Variants in FHAD1 observed in about 807,000 individuals in gnomAD.
FHAD1 encodes forkhead associated phosphopeptide binding domain 1.
In FHAD1, 146 loss-of-function variants were observed where a neutral mutation model predicts 191.3. That is an observed-to-expected ratio of 0.76 (90% confidence interval 0.67 to 0.88). The LOEUF is 0.88. Among genes scored for constraint, FHAD1 ranks in the 40% least tolerant of loss-of-function variants. FHAD1 has a pLI of 0.00. For missense variants in FHAD1, 1,635 were observed against 1,785.8 expected, an observed-to-expected ratio of 0.92 and a Z score of 1.52; for synonymous variants, 616 against 672.3, an observed-to-expected ratio of 0.92 and a Z score of 1.29.
chr1:15,291,585 A>G (rs1664791368), intron 4 of FHAD1, among the ~76,000 whole-genome samples: 2 of 152,248 alleles, frequency 1.3e-5, no homozygotes, highest in African/African-American at 4.8e-5. Flanking sequence ...TTAGTTACCA[A>G]TTTATAACCA....
chr1:15,363,562 G>A (rs2102707725), intron 23 of FHAD1, among the ~76,000 whole-genome samples: 1 of 152,292 alleles, frequency 6.6e-6, no homozygotes, highest in Admixed American at 6.5e-5. Flanking sequence ...ACTGTTATTA[G>A]CTAGTTTTCC....
At chr1:15,321,789 T>G (rs1676369590) in intron 10 of FHAD1, among the ~76,000 whole-genome samples, 1 of 152,210 alleles carries the variant, frequency 6.6e-6, no homozygotes, top group Non-Finnish European at 1.5e-5. Flanking sequence ...TTGTGCATGT[T>G]TGCATGCACA....
At chr1:15,360,166 CAA>C (rs1694302346) in intron 21 of FHAD1, among the ~76,000 whole-genome samples, 1 of 152,086 alleles carries the variant, frequency 6.6e-6, no homozygotes, top group Non-Finnish European at 1.5e-5. Context: ...GGAAGAGAAA[CAA>C]AGAAACAAAA....
chr1:15,291,514 T>C (rs1664773766), intron 4 of FHAD1, among the ~76,000 whole-genome samples: 1 of 152,340 alleles, frequency 6.6e-6, no homozygotes, highest in Admixed American at 6.5e-5. Flanking sequence ...TTAGCACGTA[T>C]ACCATTAACT....
intron 2 of FHAD1, among the ~76,000 whole-genome samples, chr1:15,252,567 G>A (rs1646917154): frequency 6.6e-6 from 1 of 152,162 alleles, no homozygotes; most frequent in Non-Finnish European, 1.5e-5. Flanking sequence ...CCCACCTCTG[G>A]AGTCGAGTGC....
Position 15,382,134 on chromosome 1 carries a change from C to G in FHAD1, c.4129C>G (p.Arg1377Gly). 2 of 1,552,040 alleles carry G rather than the reference C, an allele frequency of 1.3e-6. No individual in the cohort carries two copies. The highest frequency in any genetic ancestry group is 1.7e-6 in the Non-Finnish European group (2 of 1,147,104). Reference protein sequence around the residue: ...EKALLKEALERMEHQLCQEKR... With the variant: ...EKALLKEALEGMEHQLCQEKR... ...GGCCCTGCTGAAGGAGGCCCTGGAG[C>G]GCATGGAGCACCAGCTGTGCCAGGA... Residue 1377 changes from arginine to glycine, a missense_variant, in exon 31 of 34, where the codon CGC becomes GGC. Arg to Gly is a moderately radical substitution (Grantham distance 125). Coordinates refer to ENST00000688493, the MANE Select transcript of FHAD1 (RefSeq NM_001391957.1).
chr1:15,251,681 G>A (rs1646794379), intron 1 of FHAD1, 90 bp from the exon 2 acceptor site: 3 of 1,009,446 alleles, frequency 3.0e-6, no homozygotes, highest in Non-Finnish European at 4.4e-6. Flanking sequence ...ACATGACTCT[G>A]TGGTTATTTC....
rs1286461123 is a variant in FHAD1 at position 15,276,926 on chromosome 1, G to A, written c.300+4397G>A. On this transcript the variant is annotated intron_variant, in intron 3 of 33. Transcript: ENST00000688493. This position sits in a 1 kb window ranked among gnomAD's most constrained non-coding sequence, Gnocchi z 4.7. ...ACAGGGCCATTTGCGATGCCCTGAA[G>A]CAACTGTTGAGTAGTAACACTGACT... Among the ~76,000 whole-genome samples, 2 of 142,518 alleles carry A rather than the reference G, an allele frequency of 1.4e-5. No individual in the cohort carries two copies. The highest frequency in any genetic ancestry group is 3.1e-5 in the Non-Finnish European group (2 of 63,934). The allele number at this position is 142,518 out of a possible 152,430, so 93.5% of individuals were successfully genotyped here.
intron 20 of FHAD1, among the ~76,000 whole-genome samples, 159 bp downstream of exon 20, chr1:15,353,143 T>C (rs561958534): frequency 2.0e-4 from 30 of 152,222 alleles, no homozygotes; most frequent in African/African-American, 6.7e-4. Flanking sequence ...TCCCCACTTA[T>C]GAAATACACT....
intron 26 of FHAD1, 48 bp from the exon 27 acceptor site, chr1:15,374,454 A>C: frequency 6.5e-7 from 1 of 1,545,944 alleles, no homozygotes; most frequent in Middle Eastern, 1.7e-4. Flanking sequence ...ATGTAAGAGA[A>C]ATCTTCTAAT....
At position 15,367,526 on chromosome 1, in the gene FHAD1, G is replaced by C; in HGVS notation, c.3218G>C (p.Ser1073Thr). 1 of 1,549,920 alleles carries C rather than the reference G, an allele frequency of 6.5e-7. No homozygotes were observed. The highest frequency in any genetic ancestry group is 1.2e-5 in the South Asian group (1 of 84,014). The change falls in exon 25 of 34, where the codon AGC (serine) becomes ACC (threonine). Residue 1073 changes from serine to threonine, a missense_variant. By Grantham distance (58) the Ser-to-Thr change is moderately conservative. Transcript: ENST00000688493. ...EQNVVLVQQQ[S>T]KELSVLKEKM... ...AACGTGGTGCTGGTCCAGCAGCAGA[G>C]CAAGGAGCTGAGTGTGCTCAAGGAG...
intron 2 of FHAD1, among the ~76,000 whole-genome samples, chr1:15,266,299 G>A (rs1321226237): frequency 6.6e-6 from 1 of 151,892 alleles, no homozygotes; most frequent in Non-Finnish European, 1.5e-5. Context: ...TGTAGAGATA[G>A]GGTCTCCTTA....
At chr1:15,402,409 T>C (rs534963256), downstream of FHAD1, among the ~76,000 whole-genome samples, 1 of 152,368 alleles carries the variant, frequency 6.6e-6, no homozygotes, top group South Asian at 2.1e-4. Flanking sequence ...TGTGTATATA[T>C]GTGCCATGTT....
chr1:15,301,217 C>T lies in FHAD1; in HGVS notation c.691C>T (p.Leu231=). Residue 231 remains leucine, a synonymous_variant, in exon 6 of 34, where the codon CTG becomes TTG. Transcript: ENST00000688493. ...LAQQDKDEII[L]LLGKEVSRLS... Reference sequence around the variant, plus strand: ...GATCTCTACCCAGGATGAAATAATTCTGCTGCTGGGAAAAGAGGTCAGCCG... The same window carrying T: ...GATCTCTACCCAGGATGAAATAATTTTGCTGCTGGGAAAAGAGGTCAGCCG... 6.4e-7 allele frequency: 1 copy of T among 1,551,560 alleles called. No individual in the cohort carries two copies. Among genetic ancestry groups the T allele is most frequent in the Non-Finnish European group, 8.7e-7 (1 of 1,146,894 alleles).
At chr1:15,264,995 A>G (rs1028650957) in intron 2 of FHAD1, among the ~76,000 whole-genome samples, 8 of 152,150 alleles carry the variant, frequency 5.3e-5, no homozygotes. Context: ...TTCATGTTGA[A>G]CCATCCCTGC....
chr1:15,297,336 T>C (rs1398155847), intron 5 of FHAD1, among the ~76,000 whole-genome samples: 1 of 152,212 alleles, frequency 6.6e-6, no homozygotes, highest in Non-Finnish European at 1.5e-5. Flanking sequence ...CAGGTTGATT[T>C]TGCCTCACTT....
At chr1:15,278,529 A>C in intron 3 of FHAD1, among the ~76,000 whole-genome samples, 1 of 133,194 alleles carries the variant, frequency 7.5e-6, no homozygotes, top group East Asian at 2.2e-4. Context: ...GCTGGAGTGC[A>C]GTGGCACGAT....
chr1:15,363,924 C>T lies in FHAD1; in HGVS notation c.3047+1198C>T, dbSNP rs114706777. Reference sequence around the variant, plus strand: ...GACCCTTGCACCAAATCCTAGTGACCGAAGTCTAATGTCACAGGGTTTTTA... The same window carrying T: ...GACCCTTGCACCAAATCCTAGTGACTGAAGTCTAATGTCACAGGGTTTTTA... On this transcript the variant is annotated intron_variant, in intron 23 of 33. Transcript: ENST00000688493. The T allele has an allele frequency of 1.4e-3, 524 of 380,808 alleles. 3 individuals are homozygous for T. The highest frequency in any genetic ancestry group is 9.6e-3 in the African/African-American group (450 of 47,086). The allele number at this position is 380,808 out of a possible 1,614,324, so 23.6% of individuals were successfully genotyped here.
chr1:15,362,772 C>T (rs1224460558), intron 23 of FHAD1, 46 bp downstream of exon 23: 1 of 1,478,462 alleles, frequency 6.8e-7, no homozygotes, highest in Middle Eastern at 1.9e-4. Context: ...TCACCGGCAC[C>T]ACCTGGGTGG....
Sources: allele counts gnomAD v4.1 joint callset (sites outside exome capture counted in the v4.1 genomes callset), GRCh38; gene constraint gnomAD v4.1.1; non-coding constraint Gnocchi (gnomAD v3.1); transcripts MANE v1.5; gene names NCBI Gene and HGNC (gene_info 2026-07-23, HGNC 2026-07-21).